EPB41L4A: variants seen among roughly 807,000 people sequenced by gnomAD.
The protein encoded by EPB41L4A is band 4.1-like protein 4A.
EPB41L4A carries 100 observed loss-of-function variants against 108.6 expected under a neutral mutation model. That is an observed-to-expected ratio of 0.92 (90% CI 0.78 to 1.09). The LOEUF is 1.09. EPB41L4A is among the 50% of genes least tolerant of loss of function. EPB41L4A has a pLI of 0.00. For synonymous variants in EPB41L4A, 319 were observed against 289.0 expected (o/e 1.10, Z -1.05); for missense variants, 1,030 against 842.7 (o/e 1.22, Z -2.75).
intron 22 of EPB41L4A, among the ~76,000 whole-genome samples, chr5:112,166,998 C>T (rs1760283136): frequency 6.6e-6 from 1 of 151,862 alleles, no homozygotes. Context: ...TCAGAAGATG[C>T]ATGTGAGTTC....
At chr5:112,269,832 G>A (rs577097286) in intron 4 of EPB41L4A, among the ~76,000 whole-genome samples, 1 of 152,224 alleles carries the variant, frequency 6.6e-6, no homozygotes, top group South Asian at 2.1e-4. Context: ...GCAGTTTCTG[G>A]TTACCTCCTT....
At chr5:112,378,104 GA>G (rs775880101) in intron 1 of EPB41L4A, among the ~76,000 whole-genome samples, 5 of 152,144 alleles carry the variant, frequency 3.3e-5, no homozygotes, top group Non-Finnish European at 7.3e-5. Context: ...TCTGCACGGA[GA>G]AATTTATTTC....
intron 9 of EPB41L4A, among the ~76,000 whole-genome samples, 175 bp downstream of exon 9, chr5:112,259,054 C>A (rs1235119469): frequency 1.3e-5 from 2 of 152,326 alleles, no homozygotes; most frequent in East Asian, 3.9e-4. Context: ...ATTACCCTCT[C>A]ACTCATTTCT....
intron 4 of EPB41L4A, among the ~76,000 whole-genome samples, chr5:112,271,812 T>C (rs4311468): frequency 0.38 from 57,502 of 152,074 alleles, 12,054 homozygotes; most frequent in South Asian, 0.59. Context: ...TTGAATTTCT[T>C]AGTGCTTTTC....
chr5:112,238,827 T>A (rs1749555352), intron 11 of EPB41L4A, among the ~76,000 whole-genome samples: 1 of 152,214 alleles, frequency 6.6e-6, no homozygotes, highest in East Asian at 1.9e-4. Flanking sequence ...TCACAGGCTC[T>A]CTCCATTGAA....
intron 1 of EPB41L4A, among the ~76,000 whole-genome samples, chr5:112,394,310 G>T (rs1224373248): frequency 2.0e-5 from 3 of 152,304 alleles, no homozygotes; most frequent in African/African-American, 7.2e-5. Flanking sequence ...GTGCCAGTTT[G>T]CAGATGACAT....
At chr5:112,227,132 C>T (rs1410579307) in intron 12 of EPB41L4A, among the ~76,000 whole-genome samples, 3 of 152,106 alleles carry the variant, frequency 2.0e-5, no homozygotes, top group Non-Finnish European at 4.4e-5. Context: ...AAGAAACCTT[C>T]ACATAGTATG....
At chr5:112,419,837 G>C (rs777820762), upstream of EPB41L4A, 20 of 456,644 alleles carry the variant, frequency 4.4e-5, no homozygotes, top group South Asian at 2.5e-4. Context: ...ACGGGTGGCC[G>C]TGTGTAGCCA....
chr5:112,359,286 C>T (rs569729683), intron 1 of EPB41L4A, among the ~76,000 whole-genome samples: 2 of 152,242 alleles, frequency 1.3e-5, no homozygotes, highest in African/African-American at 2.4e-5. Context: ...GGTCTGTGAT[C>T]CAACAAAGGT....
intron 1 of EPB41L4A, among the ~76,000 whole-genome samples, chr5:112,350,732 T>A (rs1757984043): frequency 6.6e-6 from 1 of 152,210 alleles, no homozygotes; most frequent in African/African-American, 2.4e-5. Flanking sequence ...ACATGTGGTA[T>A]CTTTCTGTGC....
At chr5:112,306,334 G>A (rs749281521) in intron 2 of EPB41L4A, among the ~76,000 whole-genome samples, 13 of 151,974 alleles carry the variant, frequency 8.6e-5, no homozygotes, top group Non-Finnish European at 1.8e-4. Flanking sequence ...ATGCCATAAT[G>A]ACCACTAGCC....
At chr5:112,355,481 G>T (rs1040973843) in intron 1 of EPB41L4A, among the ~76,000 whole-genome samples, 2 of 152,096 alleles carry the variant, frequency 1.3e-5, no homozygotes, top group Non-Finnish European at 2.9e-5. Flanking sequence ...CTTCTGGAGC[G>T]CTAAATGTGT....
intron 1 of EPB41L4A, among the ~76,000 whole-genome samples, chr5:112,414,482 G>C (rs1762588659): frequency 6.6e-6 from 1 of 152,186 alleles, no homozygotes; most frequent in Admixed American, 6.5e-5. Flanking sequence ...CATCTGGTGA[G>C]AGGAGGCAGG....
At chr5:112,180,522 C>T (rs1761093252) in intron 18 of EPB41L4A, among the ~76,000 whole-genome samples, 1 of 152,140 alleles carries the variant, frequency 6.6e-6, no homozygotes, top group South Asian at 2.1e-4. Context: ...ACCTCTCAAT[C>T]TCTACTCATC....
At chr5:112,168,652 C>T in intron 22 of EPB41L4A, 87 bp downstream of exon 22, 1 of 961,340 alleles carries the variant, frequency 1.0e-6, no homozygotes. Flanking sequence ...GCCTGCCCTA[C>T]CTCCCTAAAG....
chr5:112,166,152 C>G (rs969484323), intron 22 of EPB41L4A, among the ~76,000 whole-genome samples: 6 of 152,234 alleles, frequency 3.9e-5, no homozygotes, highest in Non-Finnish European at 7.3e-5. Flanking sequence ...AGTTGCTATT[C>G]TTCCCCATTC....
intron 12 of EPB41L4A, among the ~76,000 whole-genome samples, chr5:112,220,193 T>C (rs1407644577): frequency 2.0e-5 from 3 of 152,208 alleles, no homozygotes; most frequent in Non-Finnish European, 2.9e-5. Flanking sequence ...TATTCTGTTA[T>C]AAAGACATCA....
At chr5:112,145,997 C>A (rs1339197599) in exon 13 of EPB41L4A, 1 of 455,922 alleles carries the variant, frequency 2.2e-6, no homozygotes, top group African/African-American at 2.0e-5. Context: ...GGTCTGGACA[C>A]CCTGTTAAAG....
At chr5:112,412,618 T>C (rs1282683874) in intron 1 of EPB41L4A, among the ~76,000 whole-genome samples, 1 of 152,374 alleles carries the variant, frequency 6.6e-6, no homozygotes, top group Non-Finnish European at 1.5e-5. Flanking sequence ...AACAGGTGCC[T>C]GTTTAATCTT....
Sources: gnomAD v4.1 joint callset for allele counts (sites outside exome capture counted in the v4.1 genomes callset) on GRCh38, gnomAD v4.1.1 for gene constraint, MANE v1.5 for transcripts, NCBI Gene and HGNC (gene_info 2026-07-23, HGNC 2026-07-21) for gene names.